The following GPATCH8 variants were observed in gnomAD, a reference collection of about 807,000 sequenced individuals.
GPATCH8 encodes the protein G-patch domain containing 8, also known as G patch domain-containing protein 8.
GPATCH8 carries 18 observed loss-of-function variants against 118.3 expected under a neutral mutation model. The ratio of observed to expected loss-of-function variants is 0.15; its 90% CI spans 0.11 to 0.23. The LOEUF (loss-of-function observed/expected upper bound fraction) is 0.23. Among genes scored for constraint, GPATCH8 ranks in the 10% least tolerant of loss-of-function variants. GPATCH8 has a pLI of 1.00. For synonymous variants in GPATCH8, 659 were observed against 684.7 expected (o/e 0.96, Z 0.59); for missense variants, 1,631 against 1,873.8 (o/e 0.87, Z 2.39).
Position 44,397,220 on chromosome 17 carries a change from A to G in GPATCH8, c.*348T>C. 3 of 485,850 alleles carry G rather than the reference A, an allele frequency of 6.2e-6. No individual in the cohort carries two copies. The highest frequency in any genetic ancestry group is 8.1e-6 in the Non-Finnish European group (2 of 248,080). 30.1% of individuals were successfully genotyped at this position (485,850 alleles called of 1,614,324 possible). ...GGGAGGAAAATGTTTTAAAATTTAC[A>G]GAAGGGAAGAGCAGAGGAAAAAAGC... On this transcript the variant is annotated 3_prime_UTR_variant, in exon 8 of 8. Transcript: ENST00000591680.
intron 6 of GPATCH8, among the ~76,000 whole-genome samples, chr17:44,414,155 ATG>A (rs3065769): frequency 0.019 from 636 of 33,332 alleles, 11 homozygotes; most frequent in African/African-American, 0.041. Flanking sequence ...GTATATATAT[ATG>A]TGTATATATA....
chr17:44,487,016 CAA>C (rs1968837747), intron 1 of GPATCH8, among the ~76,000 whole-genome samples: 1 of 151,992 alleles, frequency 6.6e-6, no homozygotes, highest in Non-Finnish European at 1.5e-5. Flanking sequence ...CATTATCAGC[CAA>C]AGTCCATAGT....
chr17:44,449,424 G>C (rs2051030078), intron 3 of GPATCH8, among the ~76,000 whole-genome samples: 1 of 151,764 alleles, frequency 6.6e-6, no homozygotes, highest in South Asian at 2.1e-4. Context: ...GGCTGGTCTT[G>C]AACTCTGAAC....
intron 5 of GPATCH8, among the ~76,000 whole-genome samples, chr17:44,434,822 T>C (rs1455617593): frequency 6.6e-6 from 1 of 152,258 alleles, no homozygotes. Context: ...TAACAGGCAT[T>C]GTGTTTTCAA....
chr17:44,415,321 G>A lies in GPATCH8; in HGVS notation c.492+9028C>T, dbSNP rs114945381. ...TTTAAGTATACAGGTTGAGTATCCC[G>A]TATCTGAAATACTTAGAACTGGAAG... On this transcript the variant is annotated intron_variant, in intron 6 of 7. Coordinates refer to ENST00000591680, the MANE Select transcript of GPATCH8 (RefSeq NM_001002909.4). Among the ~76,000 whole-genome samples, 200 of 152,222 alleles carry A rather than the reference G, an allele frequency of 1.3e-3. 1 individual carries two copies. Among genetic ancestry groups the A allele is most frequent in the African/African-American group, 4.6e-3 (190 of 41,526 alleles).
chr17:44,485,687 C>T (rs1968725111), intron 1 of GPATCH8, among the ~76,000 whole-genome samples: 1 of 152,190 alleles, frequency 6.6e-6, no homozygotes, highest in African/African-American at 2.4e-5. Context: ...CTAAGACCAA[C>T]TCACTTAACT....
chr17:44,481,038 G>A (rs552640145), intron 1 of GPATCH8, among the ~76,000 whole-genome samples: 1 of 152,246 alleles, frequency 6.6e-6, no homozygotes, highest in South Asian at 2.1e-4. Context: ...AGGCTCCCGA[G>A]TAGCTGGGAC....
At chr17:44,456,824 T>C (rs1246836032) in intron 3 of GPATCH8, among the ~76,000 whole-genome samples, 1 of 152,188 alleles carries the variant, frequency 6.6e-6, no homozygotes, top group African/African-American at 2.4e-5. Context: ...TTAGGTCTTT[T>C]CTCAAACAAT....
chr17:44,481,626 A>G (rs921591318), intron 1 of GPATCH8, among the ~76,000 whole-genome samples: 6 of 152,152 alleles, frequency 3.9e-5, no homozygotes, highest in Non-Finnish European at 8.8e-5. Flanking sequence ...TCACCGTCTT[A>G]TGGTGCTGAT....
intron 3 of GPATCH8, among the ~76,000 whole-genome samples, chr17:44,444,322 T>C (rs997766001): frequency 2.0e-5 from 3 of 151,708 alleles, no homozygotes; most frequent in African/African-American, 4.8e-5. Context: ...AAAATTATAC[T>C]GACTCACTAA....
In GPATCH8 at chr17:44,396,214, T is replaced by C. The variant is rs1760911173; in HGVS notation, c.*1354A>G. 2.2e-6 allele frequency: 1 copy of C among 454,298 alleles called. No individual in the cohort carries two copies. Among genetic ancestry groups the C allele is most frequent in the African/African-American group, 2.0e-5 (1 of 49,940 alleles). The allele number at this position is 454,298 out of a possible 1,614,324, so 28.1% of individuals were successfully genotyped here. A position where few individuals can be genotyped will look rare whatever the true frequency, so the allele number is the denominator to read the frequency against. ...AATGGACTGACTGCCTGGAACAAGGTACCCAGGGAAACCCAGGAATCCCCC... is the reference window on the plus strand; with the variant it reads ...AATGGACTGACTGCCTGGAACAAGGCACCCAGGGAAACCCAGGAATCCCCC... On this transcript the variant is annotated 3_prime_UTR_variant, in exon 8 of 8. Transcript: ENST00000591680.
intron 1 of GPATCH8, among the ~76,000 whole-genome samples, chr17:44,475,464 C>T (rs4792945): frequency 0.5 from 75,452 of 149,754 alleles, 20,453 homozygotes; most frequent in Middle Eastern, 0.63. Context: ...TTTGGGAGGC[C>T]GAGGCAGGTG....
intron 7 of GPATCH8, among the ~76,000 whole-genome samples, chr17:44,405,169 T>C (rs1041073417): frequency 3.3e-5 from 5 of 152,060 alleles, no homozygotes; most frequent in Admixed American, 6.6e-5. Context: ...ATATGTACAG[T>C]TGTTATCTGT....
Position 44,429,690 on chromosome 17 carries a change from C to CAACAAACA in GPATCH8, c.349-5206_349-5199dup, listed in dbSNP as rs71136014. ...CACACACACACACACACACACAAAA[C>CAACAAACA]AACAAACAAACAAACAAACAAAAAC... On this transcript the variant is annotated intron_variant, in intron 5 of 7. Transcript: ENST00000591680. Among the ~76,000 whole-genome samples, 8 of 75,226 alleles carry CAACAAACA rather than the reference C, an allele frequency of 1.1e-4. No homozygotes were observed. In the South Asian group the frequency reaches 2.0e-3, roughly 19 times the overall value. 49.4% of individuals were successfully genotyped at this position (75,226 alleles called of 152,430 possible).
At position 44,415,304 on chromosome 17, in the gene GPATCH8, T is replaced by C. The variant is rs113020828; in HGVS notation, c.492+9045A>G. On this transcript the variant is annotated intron_variant, in intron 6 of 7. Transcript: ENST00000591680. ...TTTTGTAGATAATGAGCTTTAAGTA[T>C]ACAGGTTGAGTATCCCGTATCTGAA... 4.2e-3 allele frequency among the ~76,000 whole-genome samples: 635 copies of C among 152,328 alleles called. 8 individuals are homozygous for C. The highest frequency in any genetic ancestry group is 0.014 in the African/African-American group (582 of 41,570).
At chr17:44,409,867 G>A (rs78050540) in intron 6 of GPATCH8, among the ~76,000 whole-genome samples, 3,016 of 152,236 alleles carry the variant, frequency 0.02, 105 homozygotes, top group African/African-American at 0.068. Context: ...CTAAGTCTAC[G>A]GAGGGCATCT....
At chr17:44,410,117 A>G (rs1425365032) in intron 6 of GPATCH8, among the ~76,000 whole-genome samples, 1 of 152,212 alleles carries the variant, frequency 6.6e-6, no homozygotes, top group Non-Finnish European at 1.5e-5. Context: ...TCCTACCTAA[A>G]AAGTAATTTT....
intron 1 of GPATCH8, among the ~76,000 whole-genome samples, chr17:44,501,302 A>T (rs1270368115): frequency 6.6e-6 from 1 of 151,988 alleles, no homozygotes; most frequent in Non-Finnish European, 1.5e-5. Context: ...CTGTAATCCC[A>T]GCTGCTTGGG....
intron 3 of GPATCH8, among the ~76,000 whole-genome samples, chr17:44,442,395 A>C (rs191644970): frequency 2.0e-5 from 3 of 152,180 alleles, no homozygotes; most frequent in Non-Finnish European, 2.9e-5. Flanking sequence ...TCTTTTAAAG[A>C]TATCTAAAGT....
Sources: allele counts gnomAD v4.1 joint callset (sites outside exome capture counted in the v4.1 genomes callset), GRCh38; gene constraint gnomAD v4.1.1; transcripts MANE v1.5; gene names NCBI Gene and HGNC (gene_info 2026-07-23, HGNC 2026-07-21).